Variants in ATP12A observed in about 807,000 individuals in gnomAD.
The protein encoded by ATP12A is potassium-transporting ATPase alpha chain 2.
Under a neutral mutation model 111.2 loss-of-function variants are expected in ATP12A, and 81 were observed. The observed-to-expected ratio is 0.73, with a 90% CI of 0.61 to 0.88. ATP12A has a LOEUF of 0.88. ATP12A is among the 40% of genes least tolerant of loss of function. The pLI is 0.00. For missense variants in ATP12A, 1,196 were observed against 1,313.1 expected, an observed-to-expected ratio of 0.91 and a Z score of 1.38; for synonymous variants, 498 against 499.8, an observed-to-expected ratio of 1.00 and a Z score of 0.05.
At chr13:24,710,942 A>G in intron 21 of ATP12A, 49 bp downstream of exon 21, 2 of 1,529,426 alleles carry the variant, frequency 1.3e-6, no homozygotes, top group Non-Finnish European at 1.8e-6. Flanking sequence ...CTCTGCTTTG[A>G]GCTGTCGCAG....
At chr13:24,694,374 G>A (rs1257650862) in intron 10 of ATP12A, 70 bp from the exon 11 acceptor site, 4 of 1,581,374 alleles carry the variant, frequency 2.5e-6, no homozygotes, top group Non-Finnish European at 3.4e-6. Flanking sequence ...GGTGTGTTTT[G>A]GGTCCTATGC....
intron 11 of ATP12A, 31 bp from the exon 12 acceptor site, chr13:24,698,627 T>A: frequency 6.2e-7 from 1 of 1,603,460 alleles, no homozygotes; most frequent in Non-Finnish European, 8.5e-7. Flanking sequence ...CACCTTTCTG[T>A]AAGTAACACG....
chr13:24,696,280 G>T (rs1432759490), intron 11 of ATP12A, among the ~76,000 whole-genome samples: 1 of 152,108 alleles, frequency 6.6e-6, no homozygotes, highest in Non-Finnish European at 1.5e-5. Context: ...TCAGCAGCAG[G>T]ACTTGGAGCC....
At position 24,681,660 on chromosome 13, in the gene ATP12A, C is replaced by G. The variant is rs374884366; in HGVS notation, c.108C>G (p.Asn36Lys). Reference protein sequence around the residue: ...DGKEKYRGLKNNCLELKKKNH... With the variant: ...DGKEKYRGLKKNCLELKKKNH... ...AGGAGAAGTATAGGGGTCTGAAGAA[C>G]AACTGCCTGGAACTCAAAAAGAAAA... Residue 36 changes from asparagine (N) to lysine (K), a missense_variant, in exon 2 of 23, where the codon AAC (asparagine) becomes AAG (lysine). Asn to Lys is a moderately conservative substitution (Grantham distance 94). This residue lies in a region of ATP12A where 67 missense variants were observed against 64.0 expected (regional missense o/e 1.05). Coordinates refer to ENST00000381946, the MANE Select transcript of ATP12A (RefSeq NM_001676.7). 1.9e-5 allele frequency: 31 copies of G among 1,614,196 alleles called. No individual in the cohort carries two copies. In the African/African-American group the frequency reaches 3.6e-4, roughly 19 times the overall value.
intron 3 of ATP12A, 127 bp from the exon 4 acceptor site, chr13:24,688,192 G>T: frequency 9.6e-7 from 1 of 1,036,558 alleles, no homozygotes; most frequent in Non-Finnish European, 1.4e-6. Flanking sequence ...CTTTTCTCGG[G>T]ACCTTCTTTG....
Position 24,680,718 on chromosome 13 carries a change from G to T in ATP12A, c.-26G>T, listed in dbSNP as rs984197564. Reference sequence around the variant, plus strand: ...GGTCCCGGATCCGCGCTCCACGCCCGCAGCCCGCGGCGCCACCAGCCCAGC... The same window carrying T: ...GGTCCCGGATCCGCGCTCCACGCCCTCAGCCCGCGGCGCCACCAGCCCAGC... On this transcript the variant is annotated 5_prime_UTR_variant, in exon 1 of 23. Coordinates refer to ENST00000381946, the MANE Select transcript of ATP12A (RefSeq NM_001676.7). 2 of 1,500,732 alleles carry T rather than the reference G, an allele frequency of 1.3e-6. No homozygotes were observed. The highest frequency in any genetic ancestry group is 2.3e-4 in the Middle Eastern group (1 of 4,424). The allele number at this position is 1,500,732 out of a possible 1,614,324, so 93.0% of individuals were successfully genotyped here.
chr13:24,708,628 T>C (rs894472447), intron 17 of ATP12A, among the ~76,000 whole-genome samples: 1 of 152,062 alleles, frequency 6.6e-6, no homozygotes, highest in African/African-American at 2.4e-5. Flanking sequence ...GTAGCCTAGC[T>C]ACTCAGGAGG....
At chr13:24,702,747 C>T (rs1875450261) in intron 14 of ATP12A, among the ~76,000 whole-genome samples, 1 of 152,202 alleles carries the variant, frequency 6.6e-6, no homozygotes, top group African/African-American at 2.4e-5. Flanking sequence ...ATACTATCCA[C>T]ACCGTTGGGG....
Position 24,681,740 on chromosome 13 carries a change from G to A in ATP12A, c.168+20G>A. The A allele has an allele frequency of 1.2e-6, 2 of 1,613,818 alleles. No individual in the cohort carries two copies. Among genetic ancestry groups the A allele is most frequent in the East Asian group, 2.2e-5 (1 of 44,880 alleles). On this transcript the variant is annotated intron_variant, in intron 2 of 22. Coordinates refer to ENST00000381946, the MANE Select transcript of ATP12A (RefSeq NM_001676.7). The stretch of plus-strand genomic sequence containing the variant: ...CATCTGGTCAGTAGCCTTAAGCCAC[G>A]GGGTCCTGCCGGCTATGGCCCTTCC...
In ATP12A at chr13:24,701,929, C is replaced by T. The variant is rs1875416004; in HGVS notation, c.1882-6C>T. The T allele has an allele frequency of 6.2e-7, 1 of 1,614,194 alleles. No individual in the cohort carries two copies. The highest frequency in any genetic ancestry group is 8.5e-7 in the Non-Finnish European group (1 of 1,180,042). ...CCCGTGGGCCTTCTCGTTGTCTTTG[C>T]TCTAGGTTATTATGGTTACTGGTGA... On this transcript the variant is annotated splice_polypyrimidine_tract_variant and splice_region_variant and intron_variant, in intron 13 of 22. Transcript: ENST00000381946.
At chr13:24,709,279 G>T (rs1238291163) in intron 17 of ATP12A, 85 bp from the exon 18 acceptor site, 2 of 211,212 alleles carry the variant, frequency 9.5e-6, no homozygotes, top group East Asian at 9.1e-5. Flanking sequence ...TCCAGCCAGT[G>T]CCCCACCCAC....
intron 12 of ATP12A, among the ~76,000 whole-genome samples, chr13:24,700,201 CTCTTGGGCTTA>C (rs1287456226): frequency 6.6e-6 from 1 of 152,190 alleles, no homozygotes; most frequent in Non-Finnish European, 1.5e-5. Flanking sequence ...GCTGGCCTTT[CTCTTGGGCTTA>C]TCTTGATCTA....
chr13:24,707,513 G>A (rs904624602), intron 17 of ATP12A, 80 bp downstream of exon 17: 18 of 1,563,792 alleles, frequency 1.2e-5, no homozygotes, highest in Non-Finnish European at 1.6e-5. Context: ...TCAAGGGCCG[G>A]GGATGGACTA....
In ATP12A at chr13:24,709,826, T is replaced by G. The variant is rs1247733224; in HGVS notation, c.2761T>G (p.Trp921Gly). 2 of 1,613,934 alleles carry G rather than the reference T, an allele frequency of 1.2e-6. No homozygotes were observed. The highest frequency in any genetic ancestry group is 2.7e-5 in the African/African-American group (2 of 75,040). Residue 921 changes from tryptophan to glycine, a missense_variant and splice_region_variant, in exon 19 of 23, where the codon TGG becomes GGG. Trp to Gly is a radical substitution (Grantham distance 184). This residue lies in a region of ATP12A where 1,126 missense variants were observed against 1,228.5 expected (regional missense o/e 0.92). Coordinates refer to ENST00000381946, the MANE Select transcript of ATP12A (RefSeq NM_001676.7). Reference sequence around the variant, plus strand: ...CTTGAAAGACAGCTATGGGCAGGAATGGGTGAGTGGCGGGAGCCCTGCTGC... The same window carrying G: ...CTTGAAAGACAGCTATGGGCAGGAAGGGGTGAGTGGCGGGAGCCCTGCTGC... ...NDLKDSYGQEWTRYQREYLEW... is the reference protein window; with the variant it reads ...NDLKDSYGQEGTRYQREYLEW...
chr13:24,707,268 T>C lies in ATP12A; in HGVS notation c.2339-11T>C, dbSNP rs774479066. The stretch of plus-strand genomic sequence containing the variant: ...AGAAGTAAGTTCTGAAGGAGAAACC[T>C]CTCTGCCTAGGTCGCCTGATCTTTG... On this transcript the variant is annotated splice_polypyrimidine_tract_variant and intron_variant, in intron 16 of 22. Transcript: ENST00000381946. The C allele has an allele frequency of 1.2e-6, 2 of 1,614,050 alleles. No individual in the cohort carries two copies. The highest frequency in any genetic ancestry group is 1.3e-5 in the African/African-American group (1 of 74,918).
intron 11 of ATP12A, among the ~76,000 whole-genome samples, chr13:24,697,632 C>G (rs1334214101): frequency 1.3e-4 from 16 of 121,380 alleles, no homozygotes; most frequent in Non-Finnish European, 2.1e-4. Context: ...AGAGTGGGAC[C>G]CCGTCTCAAA....
At chr13:24,693,124 A>T (rs1468098603) in intron 10 of ATP12A, among the ~76,000 whole-genome samples, 1 of 152,228 alleles carries the variant, frequency 6.6e-6, no homozygotes, top group African/African-American at 2.4e-5. Flanking sequence ...GTCTTCAGAA[A>T]ATTCTGGAAA....
At chr13:24,694,212 C>G (rs1358320889) in intron 10 of ATP12A, among the ~76,000 whole-genome samples, 1 of 152,106 alleles carries the variant, frequency 6.6e-6, no homozygotes, top group African/African-American at 2.4e-5. Context: ...TGCTTTTTTC[C>G]ACGAAATCTT....
chr13:24,690,227 GT>G (rs1490892522), intron 5 of ATP12A, 110 bp from the exon 6 acceptor site: 22 of 1,502,294 alleles, frequency 1.5e-5, no homozygotes, highest in Non-Finnish European at 2.0e-5. Flanking sequence ...AACAGTGAGA[GT>G]GATCAGGAAG....
Sources: allele counts gnomAD v4.1 joint callset (sites outside exome capture counted in the v4.1 genomes callset), GRCh38; gene constraint gnomAD v4.1.1; regional missense constraint gnomAD v4.1.1; transcripts MANE v1.5; gene names NCBI Gene and HGNC (gene_info 2026-07-23, HGNC 2026-07-21).